Variants in KAT6B observed in about 807,000 individuals in gnomAD.
The protein encoded by KAT6B is lysine acetyltransferase 6B, also known as histone acetyltransferase KAT6B.
Under a neutral mutation model 187.5 loss-of-function variants are expected in KAT6B, and 10 were observed. The observed-to-expected ratio is 0.05, with a 90% CI of 0.03 to 0.09. The LOEUF (loss-of-function observed/expected upper bound fraction) is 0.09. Ranked by LOEUF, KAT6B falls within the 10% of genes least tolerant of loss-of-function variation. The pLI is 1.00. For missense variants in KAT6B, 1,952 were observed against 2,558.9 expected (o/e 0.76, Z 5.12); for synonymous variants, 861 against 926.8 (o/e 0.93, Z 1.29).
chr10:74,894,936 G>C (rs748633752), intron 3 of KAT6B, among the ~76,000 whole-genome samples: 1 of 152,098 alleles, frequency 6.6e-6, no homozygotes, highest in Non-Finnish European at 1.5e-5. Flanking sequence ...GGGATTGCTG[G>C]ATCATCATTC....
At chr10:74,967,826 G>A (rs1021417317) in intron 4 of KAT6B, among the ~76,000 whole-genome samples, 2 of 152,150 alleles carry the variant, frequency 1.3e-5, no homozygotes, top group Non-Finnish European at 2.9e-5. Flanking sequence ...ATACCTGTGA[G>A]AATAAATAGT....
At chr10:74,920,665 T>C (rs1024668635) in intron 3 of KAT6B, among the ~76,000 whole-genome samples, 2 of 152,196 alleles carry the variant, frequency 1.3e-5, no homozygotes, top group African/African-American at 4.8e-5. Context: ...CCTTCTCATA[T>C]AGCATTTAAT....
rs61862634 is a variant in KAT6B, at chr10:74,926,870, G to A, written c.622-33100G>A. Among the ~76,000 whole-genome samples, 954 of 152,312 alleles carry A rather than the reference G, an allele frequency of 6.3e-3. 3 individuals are homozygous for A. Among genetic ancestry groups the A allele is most frequent in the Non-Finnish European group, 0.01 (707 of 68,020 alleles). On this transcript the variant is annotated intron_variant, in intron 3 of 17. Transcript: ENST00000287239. ...TTTCCCAGGAAACAGCTGAAGGAGT[G>A]ACCTCCAATCAAGTCAGCTCTGTGT... is the stretch of plus-strand genomic sequence containing the variant.
chr10:74,992,318 T>G (rs746162019), intron 13 of KAT6B, among the ~76,000 whole-genome samples: 34 of 152,166 alleles, frequency 2.2e-4, no homozygotes, highest in Admixed American at 3.9e-4. Flanking sequence ...GCTCCTAGAC[T>G]TACAGTGGGG....
chr10:74,979,100 C>A, intron 9 of KAT6B, 124 bp from the exon 10 acceptor site: 2 of 702,638 alleles, frequency 2.8e-6, no homozygotes, highest in South Asian at 1.7e-5. Flanking sequence ...TGTTTTAAGG[C>A]CATGCAAATT....
intron 3 of KAT6B, among the ~76,000 whole-genome samples, chr10:74,927,738 G>A (rs537237162): frequency 3.3e-5 from 5 of 152,030 alleles, no homozygotes; most frequent in Non-Finnish European, 5.9e-5. Flanking sequence ...ATCCACCACC[G>A]CTGCAGTAGG....
chr10:74,882,833 G>A (rs541701248), intron 3 of KAT6B, among the ~76,000 whole-genome samples: 1 of 152,174 alleles, frequency 6.6e-6, no homozygotes, highest in Admixed American at 6.5e-5. Context: ...CTTTTCTGAG[G>A]GTTGATGTGT....
chr10:74,957,304 G>A (rs541013061), intron 3 of KAT6B, among the ~76,000 whole-genome samples: 35 of 152,376 alleles, frequency 2.3e-4, no homozygotes, highest in African/African-American at 7.7e-4. Context: ...GTATAATGCA[G>A]TGGTTTTATA....
intron 13 of KAT6B, among the ~76,000 whole-genome samples, chr10:75,019,217 A>G (rs140584476): frequency 2.0e-5 from 3 of 152,346 alleles, no homozygotes; most frequent in Non-Finnish European, 4.4e-5. Context: ...TTGCACTTAA[A>G]CATGGGTTAA....
At chr10:74,965,444 C>G (rs556949467) in intron 4 of KAT6B, among the ~76,000 whole-genome samples, 1 of 152,194 alleles carries the variant, frequency 6.6e-6, no homozygotes, top group Non-Finnish European at 1.5e-5. Flanking sequence ...GGAACCATGC[C>G]TCTCCTTTTC....
At chr10:74,945,894 T>G (rs191073608) in intron 3 of KAT6B, among the ~76,000 whole-genome samples, 2 of 152,252 alleles carry the variant, frequency 1.3e-5, no homozygotes, top group Non-Finnish European at 2.9e-5. Flanking sequence ...ACTGCACTTT[T>G]AATTTTCTTT....
chr10:74,854,905 T>G (rs1842718595), intron 3 of KAT6B, among the ~76,000 whole-genome samples: 1 of 152,228 alleles, frequency 6.6e-6, no homozygotes, highest in Non-Finnish European at 1.5e-5. Flanking sequence ...TAACTTTACT[T>G]ACAAGTTCAA....
At chr10:74,919,861 C>T (rs1363253313) in intron 3 of KAT6B, among the ~76,000 whole-genome samples, 1 of 152,126 alleles carries the variant, frequency 6.6e-6, no homozygotes, top group Non-Finnish European at 1.5e-5. Context: ...TCTAATCTGT[C>T]ATTAGTTATA....
At chr10:74,883,693 G>T (rs1845031645) in intron 3 of KAT6B, among the ~76,000 whole-genome samples, 1 of 152,120 alleles carries the variant, frequency 6.6e-6, no homozygotes. Flanking sequence ...AGCCCAGAGG[G>T]AACATCACAA....
At chr10:74,944,310 G>T (rs759816379) in intron 3 of KAT6B, among the ~76,000 whole-genome samples, 1 of 152,194 alleles carries the variant, frequency 6.6e-6, no homozygotes, top group Non-Finnish European at 1.5e-5. Context: ...ATTCTCTGCA[G>T]CTTGAGGCAA....
At chr10:74,840,912 A>G (rs1043161914) in intron 2 of KAT6B, among the ~76,000 whole-genome samples, 4 of 152,230 alleles carry the variant, frequency 2.6e-5, no homozygotes, top group African/African-American at 7.2e-5. Flanking sequence ...ATGTCTGGCT[A>G]AAGTTTTTAA....
chr10:74,974,302 A>G (rs1409040770), intron 7 of KAT6B, among the ~76,000 whole-genome samples: 1 of 152,194 alleles, frequency 6.6e-6, no homozygotes, highest in Non-Finnish European at 1.5e-5. Context: ...AAATCTTTGT[A>G]TACAAGATGA....
At chr10:74,996,558 C>G (rs946096241) in intron 13 of KAT6B, among the ~76,000 whole-genome samples, 5 of 151,954 alleles carry the variant, frequency 3.3e-5, no homozygotes, top group Non-Finnish European at 7.4e-5. Context: ...ATCACGAGGT[C>G]AGGAGATCGA....
At chr10:74,828,865 C>T (rs1589425530) in intron 1 of KAT6B, among the ~76,000 whole-genome samples, 1 of 152,028 alleles carries the variant, frequency 6.6e-6, no homozygotes, top group East Asian at 1.9e-4. Context: ...CCGCGCCCGG[C>T]CATTCATAAG....
Sources: gnomAD v4.1 joint callset for allele counts (sites outside exome capture counted in the v4.1 genomes callset) on GRCh38, gnomAD v4.1.1 for gene constraint, MANE v1.5 for transcripts, NCBI Gene and HGNC (gene_info 2026-07-23, HGNC 2026-07-21) for gene names.